The following SND1 variants were observed in gnomAD, a reference collection of about 807,000 sequenced individuals.
SND1 encodes the protein staphylococcal nuclease and tudor domain containing 1, also known as staphylococcal nuclease domain-containing protein 1.
A neutral mutation model predicts 121.7 loss-of-function variants in SND1; 38 were observed. That is an observed-to-expected ratio of 0.31 (90% CI 0.24 to 0.41). The LOEUF (loss-of-function observed/expected upper bound fraction) is 0.41. SND1 is among the 10% of genes least tolerant of loss of function. The pLI, the probability that SND1 is intolerant of heterozygous loss-of-function variation, is 1.00. For missense variants in SND1, 868 were observed against 1,184.6 expected (o/e 0.73, Z 3.92); for synonymous variants, 401 against 447.4 (o/e 0.90, Z 1.31).
At chr7:127,921,705 C>T (rs530719619) in intron 14 of SND1, among the ~76,000 whole-genome samples, 2 of 152,218 alleles carry the variant, frequency 1.3e-5, no homozygotes, top group South Asian at 4.2e-4. Flanking sequence ...TAGAGCTGTT[C>T]CATTGTCCCA....
intron 16 of SND1, among the ~76,000 whole-genome samples, chr7:128,068,060 G>C (rs1384680757): frequency 6.6e-6 from 1 of 152,120 alleles, no homozygotes; most frequent in Non-Finnish European, 1.5e-5. Flanking sequence ...TTTAGGAGAG[G>C]GACCTGGATC....
At chr7:127,722,643 T>C (rs1796516661) in intron 10 of SND1, among the ~76,000 whole-genome samples, 1 of 152,198 alleles carries the variant, frequency 6.6e-6, no homozygotes, top group South Asian at 2.1e-4. Context: ...ATACATATCT[T>C]GGTGCATTCA....
intron 9 of SND1, among the ~76,000 whole-genome samples, chr7:127,708,624 T>C (rs1796247392): frequency 6.6e-6 from 1 of 152,128 alleles, no homozygotes; most frequent in Admixed American, 6.5e-5. Flanking sequence ...TTTCCATTGA[T>C]ATGTCTTGGG....
At chr7:127,705,513 C>G (rs950190562) in intron 8 of SND1, among the ~76,000 whole-genome samples, 3 of 152,106 alleles carry the variant, frequency 2.0e-5, no homozygotes, top group Non-Finnish European at 4.4e-5. Flanking sequence ...TAACTTGTTT[C>G]TAGAAAACTG....
intron 15 of SND1, among the ~76,000 whole-genome samples, chr7:127,970,997 C>A (rs1270556036): frequency 1.3e-5 from 2 of 152,040 alleles, no homozygotes; most frequent in African/African-American, 4.8e-5. Context: ...TGATAAGGCC[C>A]CAGTGTGGAT....
chr7:127,757,329 G>A (rs1797215702), intron 10 of SND1, among the ~76,000 whole-genome samples: 1 of 152,090 alleles, frequency 6.6e-6, no homozygotes, highest in Non-Finnish European at 1.5e-5. Context: ...TCTTGTTAAT[G>A]ATCATTTAGA....
At chr7:127,940,891 G>A (rs1003591755) in intron 15 of SND1, among the ~76,000 whole-genome samples, 1 of 152,206 alleles carries the variant, frequency 6.6e-6, no homozygotes, top group African/African-American at 2.4e-5. Flanking sequence ...TGGCCTTGAG[G>A]AGGCGTCATA....
At chr7:127,996,093 G>T (rs1324958520) in intron 16 of SND1, among the ~76,000 whole-genome samples, 2 of 151,612 alleles carry the variant, frequency 1.3e-5, no homozygotes, top group Non-Finnish European at 2.9e-5. Flanking sequence ...GGCTGCAGTG[G>T]CCAGGGCAGA....
chr7:127,733,450 CTT>C, intron 10 of SND1, among the ~76,000 whole-genome samples: 1 of 152,142 alleles, frequency 6.6e-6, no homozygotes, highest in East Asian at 1.9e-4. Context: ...AGTAGGGACT[CTT>C]TGTTATTTCT....
At position 127,995,262 on chromosome 7, in the gene SND1, G is replaced by A. The variant is rs200492481; in HGVS notation, c.1779+4206G>A. 9.2e-5 allele frequency among the ~76,000 whole-genome samples: 14 copies of A among 152,352 alleles called. No homozygotes were observed. The East Asian group carries it at 2.5e-3, about 27-fold the overall frequency. ...TGTCCCCTGCCGTTGAGGCTGGACT[G>A]CATGAGATTATTGTATCTGTTGGCT... On this transcript the variant is annotated intron_variant, in intron 16 of 23. Transcript: ENST00000354725.
intron 9 of SND1, among the ~76,000 whole-genome samples, chr7:127,712,105 T>C (rs1279949653): frequency 3.3e-5 from 5 of 152,172 alleles, no homozygotes; most frequent in Non-Finnish European, 7.4e-5. Flanking sequence ...GAATAAGATA[T>C]TAAAACACTG....
chr7:128,056,753 C>T (rs994015676), intron 16 of SND1, among the ~76,000 whole-genome samples: 4 of 152,148 alleles, frequency 2.6e-5, no homozygotes, highest in Admixed American at 2.6e-4. Flanking sequence ...AAACCACAGA[C>T]GGTGCCAAAC....
At chr7:127,955,638 C>A (rs1035528445) in intron 15 of SND1, among the ~76,000 whole-genome samples, 1 of 152,180 alleles carries the variant, frequency 6.6e-6, no homozygotes, top group Non-Finnish European at 1.5e-5. Flanking sequence ...ACCTGCCCCC[C>A]AGTCCCCTTT....
intron 11 of SND1, among the ~76,000 whole-genome samples, chr7:127,838,439 T>C (rs1229763623): frequency 1.3e-5 from 2 of 152,194 alleles, no homozygotes; most frequent in African/African-American, 4.8e-5. Flanking sequence ...GGAAACTTGG[T>C]TACTATTTGA....
intron 16 of SND1, among the ~76,000 whole-genome samples, chr7:128,032,391 C>G (rs1472183398): frequency 2.0e-5 from 3 of 151,446 alleles, no homozygotes; most frequent in African/African-American, 7.3e-5. Flanking sequence ...AGCGGGCGAG[C>G]GAGCCGGAGT....
At chr7:127,988,672 A>G (rs1802452364) in intron 15 of SND1, among the ~76,000 whole-genome samples, 1 of 152,218 alleles carries the variant, frequency 6.6e-6, no homozygotes, top group Non-Finnish European at 1.5e-5. Context: ...AGAGTGACAA[A>G]GGAGTAGAGT....
At chr7:127,927,365 A>G (rs1196325928) in intron 14 of SND1, among the ~76,000 whole-genome samples, 1 of 152,222 alleles carries the variant, frequency 6.6e-6, no homozygotes, top group Admixed American at 6.5e-5. Flanking sequence ...TCAATTTGAT[A>G]ATTGTTGTTG....
chr7:128,091,268 T>C (rs1430312892), intron 22 of SND1, among the ~76,000 whole-genome samples: 2 of 152,206 alleles, frequency 1.3e-5, no homozygotes, highest in Non-Finnish European at 2.9e-5. Flanking sequence ...TGGAGTACAA[T>C]GGCACAGTGC....
In SND1 at chr7:127,820,206, C is replaced by T. The variant is rs543617856; in HGVS notation, c.1242+12633C>T. ...CTCTTTTTCTAAGATGTGTGGTTCC[C>T]AATGGTTTTCTCTCATTTGAGGGCT... On this transcript the variant is annotated intron_variant, in intron 11 of 23. Coordinates refer to ENST00000354725, the MANE Select transcript of SND1 (RefSeq NM_014390.4). 4.6e-5 allele frequency among the ~76,000 whole-genome samples: 7 copies of T among 152,228 alleles called. No homozygotes were observed. In the East Asian group the frequency reaches 9.7e-4, roughly 21 times the overall value.
Sources: allele counts gnomAD v4.1 joint callset (sites outside exome capture counted in the v4.1 genomes callset), GRCh38; gene constraint gnomAD v4.1.1; transcripts MANE v1.5; gene names NCBI Gene and HGNC (gene_info 2026-07-23, HGNC 2026-07-21).